Variants in TFDP1 observed in about 807,000 individuals in gnomAD.
The protein encoded by TFDP1 is DRTF1-polypeptide 1.
In TFDP1, 6 loss-of-function variants were observed where a neutral mutation model predicts 48.0. The ratio of observed to expected loss-of-function variants is 0.13; its 90% CI spans 0.07 to 0.25. TFDP1 has a LOEUF of 0.25. Ranked by LOEUF, TFDP1 falls within the 10% of genes least tolerant of loss-of-function variation. The pLI, the probability that TFDP1 is intolerant of heterozygous loss-of-function variation, is 1.00. For missense variants in TFDP1, 335 were observed against 543.0 expected, an observed-to-expected ratio of 0.62 and a Z score of 3.81; for synonymous variants, 201 against 211.6, an observed-to-expected ratio of 0.95 and a Z score of 0.44.
chr13:113,637,498 G>T (rs2049522236), intron 10 of TFDP1: 12 of 1,052,424 alleles, frequency 1.1e-5, no homozygotes, highest in Non-Finnish European at 1.5e-5. Flanking sequence ...GAGGGTTTCA[G>T]CTTGACACTT....
At chr13:113,631,847 C>G in intron 5 of TFDP1, 103 bp downstream of exon 5, 1 of 1,473,738 alleles carries the variant, frequency 6.8e-7, no homozygotes, top group Admixed American at 2.1e-5. Context: ...CGATGGGGCT[C>G]CCACGCGCGT....
At chr13:113,622,381 T>C (rs1224745837) in intron 3 of TFDP1, among the ~76,000 whole-genome samples, 1 of 152,232 alleles carries the variant, frequency 6.6e-6, no homozygotes, top group African/African-American at 2.4e-5. Context: ...GCTGCCTCTG[T>C]GTGGCCGCCC....
chr13:113,623,053 G>T lies in TFDP1; in HGVS notation c.80-127G>T. On this transcript the variant is annotated intron_variant, in intron 3 of 11. Transcript: ENST00000375370. This position sits in a 1 kb window ranked among gnomAD's most constrained non-coding sequence, Gnocchi z 5.2. ...GGTGTTGCTCTTGAGCCCTGGATTT[G>T]AGACAGTACACGTGGGGAAAGCTAA... The T allele has an allele frequency of 1.3e-6, 1 of 787,074 alleles. No homozygotes were observed. The highest frequency in any genetic ancestry group is 1.7e-5 in the South Asian group (1 of 58,282). 48.8% of individuals were successfully genotyped at this position (787,074 alleles called of 1,614,324 possible).
chr13:113,631,886 C>T (rs2140581998), intron 5 of TFDP1, 142 bp downstream of exon 5: 4 of 1,225,152 alleles, frequency 3.3e-6, no homozygotes, highest in Non-Finnish European at 4.5e-6. Flanking sequence ...CACACTCACC[C>T]ATCATCGTGG....
intron 2 of TFDP1, among the ~76,000 whole-genome samples, chr13:113,587,991 G>A (rs1485938226): frequency 6.6e-6 from 1 of 152,072 alleles, no homozygotes; most frequent in Admixed American, 6.5e-5. Flanking sequence ...AAATAGCTGG[G>A]ATTACAGGCG....
At chr13:113,585,191 C>T (rs1258739667) in intron 1 of TFDP1, 2 of 147,602 alleles carry the variant, frequency 1.4e-5, no homozygotes, top group Non-Finnish European at 3.0e-5. Context: ...CAGGGTCGGC[C>T]GGAGCGCGCA....
At chr13:113,636,331 C>T (rs2049487032) in intron 9 of TFDP1, among the ~76,000 whole-genome samples, 2 of 152,238 alleles carry the variant, frequency 1.3e-5, no homozygotes, top group Non-Finnish European at 1.5e-5. Flanking sequence ...TGCCTTAGGG[C>T]ATGTCCTCCT....
intron 9 of TFDP1, 115 bp downstream of exon 9, chr13:113,636,243 CA>C: frequency 7.2e-7 from 1 of 1,395,416 alleles, no homozygotes; most frequent in Non-Finnish European, 9.9e-7. Flanking sequence ...GCAAATGTTG[CA>C]CAAATTGCTG....
chr13:113,603,633 A>T (rs2048495123), intron 2 of TFDP1, among the ~76,000 whole-genome samples: 3 of 152,238 alleles, frequency 2.0e-5, no homozygotes, highest in African/African-American at 7.2e-5. Context: ...TACTCATAGT[A>T]TGGTTTTGTC....
intron 3 of TFDP1, among the ~76,000 whole-genome samples, chr13:113,616,306 C>T (rs1285122342): frequency 1.3e-5 from 2 of 151,946 alleles, no homozygotes; most frequent in Non-Finnish European, 2.9e-5. Context: ...TGTGGTGGCT[C>T]CTGTCTGTAG....
At chr13:113,630,081 G>A (rs960011202) in intron 4 of TFDP1, among the ~76,000 whole-genome samples, 8 of 152,104 alleles carry the variant, frequency 5.3e-5, no homozygotes, top group African/African-American at 1.7e-4. Context: ...GGGCCAGCGC[G>A]CTCTCAGGCA....
chr13:113,602,644 C>T (rs2048467007), intron 2 of TFDP1, among the ~76,000 whole-genome samples: 1 of 152,212 alleles, frequency 6.6e-6, no homozygotes, highest in South Asian at 2.1e-4. Flanking sequence ...AAGATTGTTC[C>T]TTGACACTTT....
chr13:113,636,749 C>T (rs1216551924), intron 10 of TFDP1, 49 bp downstream of exon 10: 3 of 1,583,178 alleles, frequency 1.9e-6, no homozygotes, highest in South Asian at 2.3e-5. Context: ...GAATGGCCCC[C>T]AGCCTCCGAC....
intron 7 of TFDP1, 77 bp from the exon 8 acceptor site, chr13:113,634,457 T>A: frequency 8.7e-7 from 1 of 1,153,990 alleles, no homozygotes; most frequent in African/African-American, 1.5e-5. Context: ...ACTGTGAGGA[T>A]GTGAGGATGT....
intron 2 of TFDP1, among the ~76,000 whole-genome samples, chr13:113,589,835 G>C (rs746379432): frequency 2.0e-5 from 3 of 152,182 alleles, no homozygotes; most frequent in Admixed American, 6.5e-5. Context: ...CTCAGCCTGC[G>C]GCCAAGTTTC....
rs976456564 is a variant in TFDP1 at position 113,636,184 on chromosome 13, G to C, written c.839+56G>C. ...TCACCCATCTCTTTTTTAGGGAGCC[G>C]ACCCTGTTGGTATTGTCACTAGGAC... On this transcript the variant is annotated intron_variant, in intron 9 of 11. Transcript: ENST00000375370. 33 of 1,586,244 alleles carry C rather than the reference G, an allele frequency of 2.1e-5. No homozygotes were observed. In the African/African-American group the frequency reaches 4.2e-4, roughly 20 times the overall value.
chr13:113,627,974 T>C lies in TFDP1; in HGVS notation c.187-3649T>C, dbSNP rs1202682384. ...GGAGGAGGGTTGGTCTCGGGCAAGG[T>C]GGACCTCCGGCAGGTCCTCTACTGT... On this transcript the variant is annotated intron_variant, in intron 4 of 11. Transcript: ENST00000375370. This position sits in a 1 kb window ranked among gnomAD's most constrained non-coding sequence, Gnocchi z 4.1. Among the ~76,000 whole-genome samples, 1 of 152,168 alleles carries C rather than the reference T, an allele frequency of 6.6e-6. No individual in the cohort carries two copies. Among genetic ancestry groups the C allele is most frequent in the African/African-American group, 2.4e-5 (1 of 41,450 alleles).
intron 3 of TFDP1, among the ~76,000 whole-genome samples, chr13:113,622,807 T>C (rs2049027520): frequency 6.6e-6 from 1 of 152,260 alleles, no homozygotes; most frequent in Admixed American, 6.5e-5. Flanking sequence ...TGCAGCCTTA[T>C]AGAGAAATGT....
intron 8 of TFDP1, among the ~76,000 whole-genome samples, chr13:113,634,865 G>A (rs4150797): frequency 4.6e-5 from 7 of 151,516 alleles, no homozygotes; most frequent in East Asian, 1.9e-4. Context: ...GCGTGCGTGC[G>A]TGTGCCTGTG....
Sources: gnomAD v4.1 joint callset for allele counts (sites outside exome capture counted in the v4.1 genomes callset) on GRCh38, gnomAD v4.1.1 for gene constraint, Gnocchi (gnomAD v3.1) non-coding constraint, MANE v1.5 for transcripts, NCBI Gene and HGNC (gene_info 2026-07-23, HGNC 2026-07-21) for gene names.